Variants in RBM4B observed in about 807,000 individuals in gnomAD.
RBM4B encodes the protein RNA binding motif protein 4B.
A neutral mutation model predicts 28.5 loss-of-function variants in RBM4B; 13 were observed. The observed-to-expected ratio is 0.46, with a 90% CI of 0.30 to 0.72. The LOEUF is 0.72. Ranked by LOEUF, RBM4B falls within the 30% of genes least tolerant of loss-of-function variation. The probability of loss-of-function intolerance (pLI) is 0.09; values close to 1 mark genes in which losing one functional copy is unlikely to be tolerated. For missense variants in RBM4B, 387 were observed against 477.6 expected, an observed-to-expected ratio of 0.81 and a Z score of 1.77; for synonymous variants, 167 against 179.1, an observed-to-expected ratio of 0.93 and a Z score of 0.54.
chr11:66,677,289 G>A (rs77696905), intron 1 of RBM4B, 198 bp from the exon 2 acceptor site: 2 of 658,936 alleles, frequency 3.0e-6, no homozygotes, highest in Non-Finnish European at 5.1e-6. Flanking sequence ...ACAGGAGGTC[G>A]AGGGTCAGCA....
Position 66,665,592 on chromosome 11 carries a change from C to T in RBM4B, c.*10-14G>A, listed in dbSNP as rs1457100606. ...CAATTATCCTACCTGAAAGAGAGCA[C>T]AACACAAGAGGCTTACACAATGCCT... On this transcript the variant is annotated splice_polypyrimidine_tract_variant and intron_variant, in intron 3 of 3. Coordinates refer to ENST00000310046, the MANE Select transcript of RBM4B (RefSeq NM_031492.4). 6.5e-7 allele frequency: 1 copy of T among 1,535,940 alleles called. No homozygotes were observed. The highest frequency in any genetic ancestry group is 8.7e-7 in the Non-Finnish European group (1 of 1,146,878).
In RBM4B at chr11:66,669,042, T is replaced by C. The variant is rs754925060; in HGVS notation, c.662A>G (p.Tyr221Cys). Residue 221 changes from tyrosine to cysteine, a missense_variant, in exon 3 of 4, where the codon TAT becomes TGT. Tyr to Cys is a radical substitution (Grantham distance 194). Transcript: ENST00000310046. ...ATAAGAGCGGACCCGGTATCGCTTA[T>C]AGTAGTCGAGTGCTCCATATGCATC... The part of the protein sequence containing the change: ...YNDAYGALDY[Y>C]KRYRVRSYEA... 73 of 1,614,196 alleles carry C rather than the reference T, an allele frequency of 4.5e-5. No homozygotes were observed. Among genetic ancestry groups the C allele is most frequent in the Non-Finnish European group, 5.6e-5 (66 of 1,180,032 alleles).
At position 66,668,706 on chromosome 11, in the gene RBM4B, G is replaced by T. The variant is rs769396763; in HGVS notation, c.998C>A (p.Ala333Glu). 6.2e-7 allele frequency: 1 copy of T among 1,614,126 alleles called. No individual in the cohort carries two copies. The highest frequency in any genetic ancestry group is 8.5e-7 in the Non-Finnish European group (1 of 1,179,976). The change falls in exon 3 of 4, where the codon GCA becomes GAA. Residue 333 changes from alanine (A) to glutamate (E), a missense_variant. By Grantham distance (107) the Ala-to-Glu change is moderately radical. Transcript: ENST00000310046. ...GTCATACAGAGAATTCCGTGTAGCT[G>T]CGGAAGCCTGAGATAATTCACTCTC... ...GPESELSQAS[A>E]ATRNSLYDMA...
chr11:66,677,330 T>G, intron 1 of RBM4B: 1 of 561,286 alleles, frequency 1.8e-6, no homozygotes, highest in Non-Finnish European at 3.1e-6. Flanking sequence ...CTCCGTGAAG[T>G]GGAGCGCAAT....
chr11:66,669,354 C>T, intron 2 of RBM4B, 63 bp from the exon 3 acceptor site: 1 of 1,497,648 alleles, frequency 6.7e-7, no homozygotes, highest in Non-Finnish European at 9.2e-7. Context: ...TCCTCTCCTC[C>T]CCAAATGAAA....
At chr11:66,671,052 G>C (rs1004467826) in intron 2 of RBM4B, 1 of 702,028 alleles carries the variant, frequency 1.4e-6, no homozygotes, top group Non-Finnish European at 2.6e-6. Context: ...AGAGGGGAGC[G>C]GGTTAGTGTG....
In RBM4B at chr11:66,665,157, G is replaced by T; in HGVS notation, c.*431C>A. 1 of 168,024 alleles carries T rather than the reference G, an allele frequency of 6.0e-6. No homozygotes were observed. The highest frequency in any genetic ancestry group is 1.3e-5 in the Non-Finnish European group (1 of 78,362). 10.4% of individuals were successfully genotyped at this position (168,024 alleles called of 1,614,324 possible). On this transcript the variant is annotated 3_prime_UTR_variant, in exon 4 of 4. Transcript: ENST00000310046. ...ACCCCCAATGGTCCTAGCAATTTCA[G>T]AAGAGTAACTTAAGTGTTAAGAGTC...
chr11:66,666,043 G>A, intron 3 of RBM4B: 1 of 1,277,588 alleles, frequency 7.8e-7, no homozygotes, highest in Non-Finnish European at 1.1e-6. Flanking sequence ...TTTCAGAAAT[G>A]ATGGTCACAA....
chr11:66,667,435 AAAC>A (rs1939277484), intron 3 of RBM4B: 2 of 152,166 alleles, frequency 1.3e-5, no homozygotes, highest in South Asian at 4.1e-4. Flanking sequence ...CAAAAAACAC[AAAC>A]AAAAATTGCT....
chr11:66,666,025 A>T, intron 3 of RBM4B: 1 of 1,379,886 alleles, frequency 7.2e-7, no homozygotes. Flanking sequence ...CTTTCACAGT[A>T]AACAAGCTTT....
intron 2 of RBM4B, among the ~76,000 whole-genome samples, chr11:66,674,217 TTTC>T (rs1437381542): frequency 6.6e-6 from 1 of 151,204 alleles, no homozygotes; most frequent in African/African-American, 2.4e-5. Context: ...AGCTTTTCTT[TTTC>T]TTTTCTTTCT....
At chr11:66,673,451 G>C (rs1939533924) in intron 2 of RBM4B, among the ~76,000 whole-genome samples, 1 of 152,174 alleles carries the variant, frequency 6.6e-6, no homozygotes, top group Non-Finnish European at 1.5e-5. Context: ...AGATGTTCAA[G>C]TGGCACTTTT....
rs1333993272 is a variant in RBM4B, at chr11:66,670,202, C to G, written c.413-911G>C. Among the ~76,000 whole-genome samples, 4 of 152,048 alleles carry G rather than the reference C, an allele frequency of 2.6e-5. No individual in the cohort carries two copies. The East Asian group carries it at 7.7e-4, about 29-fold the overall frequency. Reference sequence around the variant, plus strand: ...CTAGTATCTCTGGGAGTTATAAGACCTTTCAGATTTCAGTTTAGCCCACCA... The same window carrying G: ...CTAGTATCTCTGGGAGTTATAAGACGTTTCAGATTTCAGTTTAGCCCACCA... On this transcript the variant is annotated intron_variant, in intron 2 of 3. Transcript: ENST00000310046.
chr11:66,672,511 G>A (rs905448442), intron 2 of RBM4B, among the ~76,000 whole-genome samples: 2 of 150,776 alleles, frequency 1.3e-5, no homozygotes, highest in African/African-American at 2.4e-5. Flanking sequence ...TTTTTGGGGG[G>A]GGGGGACAGA....
chr11:66,667,067 TTTG>T (rs1939264070), intron 3 of RBM4B: 1 of 152,172 alleles, frequency 6.6e-6, no homozygotes, highest in Non-Finnish European at 1.5e-5. Context: ...ACACAGCTGC[TTTG>T]TTATCTTCTA....
chr11:66,670,914 A>G (rs758079373), intron 2 of RBM4B: 4 of 702,598 alleles, frequency 5.7e-6, no homozygotes, highest in Non-Finnish European at 7.8e-6. Flanking sequence ...GCAATCAGCA[A>G]GTTGCTCTCT....
At position 66,676,708 on chromosome 11, in the gene RBM4B, T is replaced by A. The variant is rs111334132; in HGVS notation, c.372A>T (p.Ala124=). Residue 124 remains alanine, a synonymous_variant, in exon 2 of 4, where the codon GCA becomes GCT. Coordinates refer to ENST00000310046, the MANE Select transcript of RBM4B (RefSeq NM_031492.4). ...AFVHMERAED[A]VEAIRGLDNT... is the part of the protein sequence containing the mutation. Reference sequence around the variant, plus strand: ...TGTCAAGGCCCCTGATGGCCTCCACTGCATCCTCTGCCCGCTCCATGTGTA... The same window carrying A: ...TGTCAAGGCCCCTGATGGCCTCCACAGCATCCTCTGCCCGCTCCATGTGTA... The A allele has an allele frequency of 6.2e-6, 10 of 1,613,966 alleles. No homozygotes were observed. Among genetic ancestry groups the A allele is most frequent in the Non-Finnish European group, 8.5e-6 (10 of 1,179,980 alleles).
Position 66,665,525 on chromosome 11 carries a change from AGC to A in RBM4B, c.*61_*62del. On this transcript the variant is annotated 3_prime_UTR_variant, in exon 4 of 4. Coordinates refer to ENST00000310046, the MANE Select transcript of RBM4B (RefSeq NM_031492.4). ...CATCCCGGCAAAGGGGACCGCGCGG[AGC>A]AAGTTCTCATATATGACCGCAGCCC... The A allele has an allele frequency of 7.1e-7, 1 of 1,404,664 alleles. No homozygotes were observed. The highest frequency in any genetic ancestry group is 1.2e-5 in the South Asian group (1 of 81,522). 87.0% of individuals were successfully genotyped at this position (1,404,664 alleles called of 1,614,324 possible).
intron 3 of RBM4B, chr11:66,665,932 A>T (rs1939215912): frequency 1.3e-6 from 2 of 1,535,332 alleles, no homozygotes; most frequent in African/African-American, 1.4e-5. Flanking sequence ...ACTGCAATTT[A>T]ATTTTGGAGT....
Sources: allele counts gnomAD v4.1 joint callset (sites outside exome capture counted in the v4.1 genomes callset), GRCh38; gene constraint gnomAD v4.1.1; transcripts MANE v1.5; gene names NCBI Gene and HGNC (gene_info 2026-07-23, HGNC 2026-07-21).